GPATCH8: variants seen among roughly 807,000 people sequenced by gnomAD.
GPATCH8 encodes the protein G patch domain-containing protein 8.
In GPATCH8, 18 loss-of-function variants were observed where a neutral mutation model predicts 118.3. The ratio of observed to expected loss-of-function variants is 0.15; its 90% CI spans 0.11 to 0.23. The LOEUF (loss-of-function observed/expected upper bound fraction) is 0.23, where lower values mean the gene tolerates loss of function less well. Among genes scored for constraint, GPATCH8 ranks in the 10% least tolerant of loss-of-function variants. GPATCH8 has a pLI of 1.00. For missense variants in GPATCH8, 1,631 were observed against 1,873.8 expected (o/e 0.87, Z 2.39); for synonymous variants, 659 against 684.7 (o/e 0.96, Z 0.59).
chr17:44,397,790 G>A lies in GPATCH8; in HGVS notation c.4287C>T (p.His1429=), dbSNP rs2048832825. ...GATGGCTAGCGAGAAAGGTGGCAGG[G>A]TGGCCAGGGATGATTGAGTGAGTGA... The part of the protein sequence containing the change: ...SHLTHSIIPG[H]PATFLASHPI... The change falls in exon 8 of 8, where the codon CAC becomes CAT. Residue 1429 remains histidine (H), a synonymous_variant. Transcript: ENST00000591680. 6.3e-7 allele frequency: 1 copy of A among 1,583,832 alleles called. No homozygotes were observed. Among genetic ancestry groups the A allele is most frequent in the Non-Finnish European group, 8.6e-7 (1 of 1,162,540 alleles).
chr17:44,440,227 T>C (rs963651541), intron 3 of GPATCH8, among the ~76,000 whole-genome samples: 1 of 152,182 alleles, frequency 6.6e-6, no homozygotes, highest in Non-Finnish European at 1.5e-5. Context: ...ACCAGAACAC[T>C]AAATAATCTC....
intron 1 of GPATCH8, among the ~76,000 whole-genome samples, chr17:44,476,618 T>A (rs1466596825): frequency 1.3e-5 from 2 of 152,220 alleles, no homozygotes; most frequent in Non-Finnish European, 2.9e-5. Context: ...TCTGGTAACA[T>A]TATTTTAAAC....
Position 44,403,887 on chromosome 17 carries a change from T to A in GPATCH8, c.623+2034A>T, listed in dbSNP as rs933384748. ...TTTTGTATTTTTAGTAGAGACAGAG[T>A]TTCACCATGTTGGTCAGGCTGGTCT... On this transcript the variant is annotated intron_variant, in intron 7 of 7. Transcript: ENST00000591680. 1.0e-4 allele frequency among the ~76,000 whole-genome samples: 15 copies of A among 150,610 alleles called. No individual in the cohort carries two copies. The East Asian group carries it at 3.0e-3, about 30-fold the overall frequency.
rs191706807 is a variant in GPATCH8, at chr17:44,478,120, G to A, written c.46-3217C>T. Among the ~76,000 whole-genome samples, 45 of 152,196 alleles carry A rather than the reference G, an allele frequency of 3.0e-4. No homozygotes were observed. In the East Asian group the frequency reaches 5.8e-3, roughly 20 times the overall value. On this transcript the variant is annotated intron_variant, in intron 1 of 7. Transcript: ENST00000591680. ...AGATTACAGATGTGAGCCACCAAGC[G>A]CAGCCTGAAAGTCTGTCTTCAATTT...
intron 3 of GPATCH8, among the ~76,000 whole-genome samples, chr17:44,457,487 A>G (rs2051378880): frequency 6.6e-6 from 1 of 152,236 alleles, no homozygotes; most frequent in Non-Finnish European, 1.5e-5. Flanking sequence ...CACTCCAAAT[A>G]AAACAAGCAA....
At chr17:44,470,309 T>C (rs62078762) in intron 2 of GPATCH8, among the ~76,000 whole-genome samples, 1 of 149,996 alleles carries the variant, frequency 6.7e-6, no homozygotes, top group Non-Finnish European at 1.5e-5. Context: ...GCGATTCTCC[T>C]GCCTCAGCCT....
intron 5 of GPATCH8, among the ~76,000 whole-genome samples, chr17:44,429,951 C>T (rs888179933): frequency 6.6e-6 from 1 of 151,976 alleles, no homozygotes; most frequent in African/African-American, 2.4e-5. Context: ...ATTGCTTGAA[C>T]CCGGGAGGCA....
At chr17:44,455,594 A>G (rs1358782033) in intron 3 of GPATCH8, among the ~76,000 whole-genome samples, 1 of 152,182 alleles carries the variant, frequency 6.6e-6, no homozygotes, top group African/African-American at 2.4e-5. Context: ...CTCTAGATCA[A>G]TATTTGGCAC....
At chr17:44,413,256 A>G (rs985009891) in intron 6 of GPATCH8, among the ~76,000 whole-genome samples, 1 of 152,180 alleles carries the variant, frequency 6.6e-6, no homozygotes, top group African/African-American at 2.4e-5. Context: ...AGAGAAAAAG[A>G]AAAAAATACA....
At position 44,398,790 on chromosome 17, in the gene GPATCH8, T is replaced by A; in HGVS notation, c.3287A>T (p.Lys1096Met). 1 of 1,613,140 alleles carries A rather than the reference T, an allele frequency of 6.2e-7. No homozygotes were observed. Among genetic ancestry groups the A allele is most frequent in the African/African-American group, 1.3e-5 (1 of 75,016 alleles). Residue 1096 changes from lysine (K) to methionine (M), a missense_variant, in exon 8 of 8, where the codon AAG becomes ATG. By Grantham distance (95) the Lys-to-Met change is moderately conservative. Coordinates refer to ENST00000591680, the MANE Select transcript of GPATCH8 (RefSeq NM_001002909.4). Reference protein sequence around the residue: ...NSVTAKLLLEKIQSRKVERKP... With the variant: ...NSVTAKLLLEMIQSRKVERKP... ...CCTCTCCACTTTCCTTGACTGGATC[T>A]TCTCCAGTAGCAGTTTGGCAGTGAC...
chr17:44,412,300 G>C (rs1222961445), intron 6 of GPATCH8, among the ~76,000 whole-genome samples: 1 of 152,180 alleles, frequency 6.6e-6, no homozygotes, highest in African/African-American at 2.4e-5. Context: ...TGAGGCAGGA[G>C]GATTGCTTGA....
intron 1 of GPATCH8, among the ~76,000 whole-genome samples, chr17:44,498,875 T>C (rs948200123): frequency 4.6e-5 from 7 of 152,242 alleles, no homozygotes; most frequent in Non-Finnish European, 1.0e-4. Context: ...AATATGCTTC[T>C]GTGACTTAAA....
intron 7 of GPATCH8, among the ~76,000 whole-genome samples, chr17:44,403,754 T>C (rs548791022): frequency 1.5e-4 from 23 of 151,750 alleles, no homozygotes; most frequent in Middle Eastern, 3.4e-3. Context: ...AGTGCAATGG[T>C]ACAATCTTGG....
intron 6 of GPATCH8, among the ~76,000 whole-genome samples, chr17:44,408,369 T>C (rs1235351651): frequency 1.3e-5 from 2 of 152,122 alleles, no homozygotes; most frequent in Non-Finnish European, 2.9e-5. Context: ...ATATTTTTAG[T>C]AGAGATGAAG....
chr17:44,440,325 A>G (rs2050646905), intron 3 of GPATCH8, among the ~76,000 whole-genome samples: 1 of 152,238 alleles, frequency 6.6e-6, no homozygotes, highest in African/African-American at 2.4e-5. Flanking sequence ...TGCAAAATCA[A>G]GAATATGCCA....
chr17:44,402,030 AT>A, intron 7 of GPATCH8, among the ~76,000 whole-genome samples: 2 of 149,500 alleles, frequency 1.3e-5, no homozygotes, highest in African/African-American at 2.5e-5. Flanking sequence ...AAAATAAAAA[AT>A]AAAGTACAGG....
At chr17:44,429,694 A>AC (rs1195472951) in intron 5 of GPATCH8, among the ~76,000 whole-genome samples, 1 of 149,220 alleles carries the variant, frequency 6.7e-6, no homozygotes, top group African/African-American at 2.6e-5. Flanking sequence ...ACAAAACAAC[A>AC]AACAAACAAA....
intron 1 of GPATCH8, among the ~76,000 whole-genome samples, chr17:44,497,814 C>T (rs1969775639): frequency 6.6e-6 from 1 of 151,904 alleles, no homozygotes; most frequent in Non-Finnish European, 1.5e-5. Flanking sequence ...GTGGTACATT[C>T]CTGTAGTCCC....
intron 6 of GPATCH8, among the ~76,000 whole-genome samples, chr17:44,420,940 A>T (rs1182528180): frequency 1.3e-5 from 2 of 151,580 alleles, no homozygotes; most frequent in African/African-American, 4.9e-5. Flanking sequence ...GCTCACTGCA[A>T]CCTCCACCTC....
Sources: gnomAD v4.1 joint callset for allele counts (sites outside exome capture counted in the v4.1 genomes callset) on GRCh38, gnomAD v4.1.1 for gene constraint, MANE v1.5 for transcripts, NCBI Gene and HGNC (gene_info 2026-07-23, HGNC 2026-07-21) for gene names.